CSMD3: variants seen among roughly 807,000 people sequenced by gnomAD.
CSMD3 encodes CUB and Sushi multiple domains 3.
CSMD3 carries 177 observed loss-of-function variants against 435.2 expected under a neutral mutation model. The observed-to-expected ratio is 0.41, with a 90% CI of 0.36 to 0.46. The LOEUF (loss-of-function observed/expected upper bound fraction) is 0.46. Ranked by LOEUF, CSMD3 falls within the 20% of genes least tolerant of loss-of-function variation. The probability of loss-of-function intolerance (pLI) is 0.34; values close to 1 mark genes in which losing one functional copy is unlikely to be tolerated. For missense variants in CSMD3, 4,265 were observed against 4,504.6 expected (o/e 0.95, Z 1.52); for synonymous variants, 1,656 against 1,520.5 (o/e 1.09, Z -2.07).
intron 13 of CSMD3, among the ~76,000 whole-genome samples, chr8:112,726,615 G>A (rs1319466605): frequency 6.6e-6 from 1 of 151,702 alleles, no homozygotes; most frequent in African/African-American, 2.4e-5. Flanking sequence ...ATTACATATG[G>A]AGCTTGGATT....
At chr8:112,411,221 A>G (rs1234110207) in intron 32 of CSMD3, among the ~76,000 whole-genome samples, 2 of 150,880 alleles carry the variant, frequency 1.3e-5, no homozygotes, top group Non-Finnish European at 3.0e-5. Flanking sequence ...TGTTGAGACT[A>G]TAACTGTTAA....
intron 28 of CSMD3, among the ~76,000 whole-genome samples, chr8:112,513,005 T>C (rs1467576238): frequency 1.3e-5 from 2 of 152,212 alleles, no homozygotes; most frequent in African/African-American, 4.8e-5. Context: ...CATCTATGTC[T>C]TTATAGAATT....
intron 45 of CSMD3, among the ~76,000 whole-genome samples, chr8:112,322,397 T>C (rs1742039600): frequency 6.6e-6 from 1 of 152,088 alleles, no homozygotes; most frequent in Non-Finnish European, 1.5e-5. Flanking sequence ...TAATGTCTTA[T>C]TCTCTGTTCT....
intron 63 of CSMD3, 41 bp downstream of exon 63, chr8:112,254,212 G>T: frequency 2.2e-6 from 3 of 1,374,064 alleles, no homozygotes; most frequent in South Asian, 1.2e-5. Flanking sequence ...GACGCATTCT[G>T]ACCTAGTATG....
At chr8:112,433,217 G>T (rs1288046954) in intron 32 of CSMD3, among the ~76,000 whole-genome samples, 1 of 150,118 alleles carries the variant, frequency 6.7e-6, no homozygotes, top group East Asian at 2.0e-4. Context: ...GAATAACTTA[G>T]CATTGCAAAC....
intron 24 of CSMD3, among the ~76,000 whole-genome samples, chr8:112,570,111 C>T (rs1829386962): frequency 6.6e-6 from 1 of 151,110 alleles, no homozygotes; most frequent in South Asian, 2.1e-4. Flanking sequence ...AATCCTGATG[C>T]ACATTCTATC....
intron 9 of CSMD3, among the ~76,000 whole-genome samples, chr8:112,944,472 T>C (rs900940861): frequency 2.0e-5 from 3 of 151,916 alleles, no homozygotes; most frequent in Admixed American, 6.6e-5. Flanking sequence ...CTTTGGTCTC[T>C]TGAATCTCTA....
chr8:112,301,052 T>C (rs1820875063), intron 53 of CSMD3, among the ~76,000 whole-genome samples: 1 of 152,122 alleles, frequency 6.6e-6, no homozygotes, highest in South Asian at 2.1e-4. Context: ...AAAATTTTCA[T>C]TATTACCTAA....
chr8:112,603,929 G>T (rs1192506819), intron 22 of CSMD3, among the ~76,000 whole-genome samples: 1 of 152,102 alleles, frequency 6.6e-6, no homozygotes, highest in Non-Finnish European at 1.5e-5. Flanking sequence ...AACCAGGTAA[G>T]AAGTTAATTT....
chr8:113,237,023 G>T (rs1056353703), intron 3 of CSMD3, among the ~76,000 whole-genome samples: 2 of 152,114 alleles, frequency 1.3e-5, no homozygotes, highest in African/African-American at 2.4e-5. Flanking sequence ...CCAGTCTGGG[G>T]TTCCCTTTAG....
intron 18 of CSMD3, among the ~76,000 whole-genome samples, chr8:112,652,463 T>G (rs991882573): frequency 1.3e-5 from 2 of 152,182 alleles, no homozygotes; most frequent in African/African-American, 4.8e-5. Flanking sequence ...ACAGTAAAAT[T>G]TAATTATTCA....
intron 13 of CSMD3, among the ~76,000 whole-genome samples, chr8:112,746,643 ATTAT>A (rs1185008967): frequency 2.0e-5 from 3 of 150,680 alleles, no homozygotes; most frequent in Non-Finnish European, 4.4e-5. Context: ...AGTTATATAT[ATTAT>A]TTATTTTTGA....
At chr8:112,322,168 A>T (rs984479321) in intron 45 of CSMD3, among the ~76,000 whole-genome samples, 4 of 152,100 alleles carry the variant, frequency 2.6e-5, no homozygotes, top group African/African-American at 9.7e-5. Flanking sequence ...AAGTTATTTT[A>T]ATCTTCATGC....
intron 17 of CSMD3, among the ~76,000 whole-genome samples, chr8:112,659,597 A>G (rs530552419): frequency 3.9e-5 from 6 of 152,182 alleles, no homozygotes; most frequent in African/African-American, 1.4e-4. Context: ...CGAAAAATAC[A>G]CTTTGAATGA....
intron 1 of CSMD3, among the ~76,000 whole-genome samples, chr8:113,411,759 C>A (rs1231187277): frequency 3.3e-5 from 5 of 152,102 alleles, no homozygotes; most frequent in African/African-American, 1.2e-4. Flanking sequence ...TATTGGGTTG[C>A]TGAACTAATT....
chr8:113,004,645 T>A (rs1447590997), intron 6 of CSMD3, among the ~76,000 whole-genome samples: 1 of 151,924 alleles, frequency 6.6e-6, no homozygotes, highest in East Asian at 1.9e-4. Flanking sequence ...GGTAATTTTA[T>A]AGCTGTGGAA....
At chr8:113,192,588 T>C (rs1489062677) in intron 3 of CSMD3, among the ~76,000 whole-genome samples, 2 of 151,690 alleles carry the variant, frequency 1.3e-5, no homozygotes, top group Non-Finnish European at 2.9e-5. Context: ...CTATTTCCTA[T>C]ATCTCTGACT....
intron 3 of CSMD3, among the ~76,000 whole-genome samples, chr8:113,273,159 AC>A (rs1468260109): frequency 1.3e-5 from 2 of 152,014 alleles, no homozygotes; most frequent in Non-Finnish European, 2.9e-5. Flanking sequence ...TTAAAATAAA[AC>A]AAATTTTGTT....
At chr8:113,102,893 T>C (rs903401700) in intron 4 of CSMD3, among the ~76,000 whole-genome samples, 5 of 152,080 alleles carry the variant, frequency 3.3e-5, no homozygotes, top group Admixed American at 1.3e-4. Flanking sequence ...GTGACATAAT[T>C]GGATTTAGGT....
Sources: allele counts gnomAD v4.1 joint callset (sites outside exome capture counted in the v4.1 genomes callset), GRCh38; gene constraint gnomAD v4.1.1; transcripts MANE v1.5; gene names NCBI Gene and HGNC (gene_info 2026-07-23, HGNC 2026-07-21).